Variants in ADGRA2 observed in about 807,000 individuals in gnomAD.
ADGRA2 encodes the protein adhesion G protein-coupled receptor A2.
A neutral mutation model predicts 98.7 loss-of-function variants in ADGRA2; 61 were observed. The ratio of observed to expected loss-of-function variants is 0.62; its 90% confidence interval spans 0.50 to 0.76. The LOEUF (loss-of-function observed/expected upper bound fraction) is 0.76. ADGRA2 is among the 30% of genes least tolerant of loss of function. ADGRA2 has a pLI of 0.00. For synonymous variants in ADGRA2, 858 were observed against 831.5 expected (o/e 1.03, Z -0.55); for missense variants, 1,712 against 1,860.0 (o/e 0.92, Z 1.46).
chr8:37,811,429 C>T (rs1215153062), intron 1 of ADGRA2, among the ~76,000 whole-genome samples: 1 of 148,782 alleles, frequency 6.7e-6, no homozygotes, highest in Non-Finnish European at 1.5e-5. Flanking sequence ...GCCTCAGCCT[C>T]TCAAAGTGCT....
chr8:37,838,980 G>T lies in ADGRA2; in HGVS notation c.2284G>T (p.Val762Leu). The T allele has an allele frequency of 1.3e-6, 2 of 1,577,176 alleles. No homozygotes were observed. Among genetic ancestry groups the T allele is most frequent in the Non-Finnish European group, 1.7e-6 (2 of 1,161,912 alleles). The change falls in exon 15 of 19, where the codon GTG becomes TTG. Residue 762 changes from valine to leucine, a missense_variant. Coordinates refer to ENST00000412232, the MANE Select transcript of ADGRA2 (RefSeq NM_032777.10). ...GGAGCTGAGCGCCTTTCCCAGGGAG[G>T]TGGGGGGCGCCGGGGCAGGGCTGCA... ...LMELSAFPRE[V>L]GGAGAGLHPV...
intron 13 of ADGRA2, among the ~76,000 whole-genome samples, chr8:37,837,525 C>A (rs1805653646): frequency 6.6e-6 from 1 of 152,254 alleles, no homozygotes; most frequent in South Asian, 2.1e-4. Context: ...CATTTTCCAC[C>A]ATCATCCGCA....
chr8:37,835,647 C>T lies in ADGRA2; in HGVS notation c.1927C>T (p.Leu643=). 6.2e-7 allele frequency: 1 copy of T among 1,613,660 alleles called. No homozygotes were observed. The highest frequency in any genetic ancestry group is 1.7e-5 in the Admixed American group (1 of 60,026). ...TCCCCCGGTGCCCCCAGACTGCACC[C>T]TGCAACTGCTCGTCTTCCGAAATGG... ...LAPPVPPDCT[L]QLLVFRNGRL... Residue 643 remains leucine, a synonymous_variant, in exon 13 of 19, where the codon CTG becomes TTG. Transcript: ENST00000412232.
chr8:37,836,719 G>A (rs6982156), intron 13 of ADGRA2, among the ~76,000 whole-genome samples: 100,900 of 151,648 alleles, frequency 0.67, 34,369 homozygotes, highest in East Asian at 0.9. Context: ...TTGCACGTCA[G>A]AGAGCCCCTT....
chr8:37,815,809 G>A (rs1345867133), intron 2 of ADGRA2, among the ~76,000 whole-genome samples: 2 of 152,130 alleles, frequency 1.3e-5, no homozygotes, highest in Non-Finnish European at 2.9e-5. Context: ...CTGCTCCGTC[G>A]GTACAATCCA....
In ADGRA2 at chr8:37,814,508, G is replaced by A. The variant is rs1037493222; in HGVS notation, c.267-388G>A. ...AGCCATTCTCCCCACCACTCTCTTC[G>A]GGATATTGGGTGAAGGGCTTGAGCA... On this transcript the variant is annotated intron_variant, in intron 1 of 18. Transcript: ENST00000412232. This position sits in a 1 kb window ranked among gnomAD's most constrained non-coding sequence, Gnocchi z 4.3. 1.8e-4 allele frequency among the ~76,000 whole-genome samples: 27 copies of A among 152,200 alleles called. No homozygotes were observed. The highest frequency in any genetic ancestry group is 6.0e-4 in the African/African-American group (25 of 41,446).
chr8:37,833,963 C>G lies in ADGRA2; in HGVS notation c.1447-4C>G, dbSNP rs1805534049. 2 of 1,611,034 alleles carry G rather than the reference C, an allele frequency of 1.2e-6. No individual in the cohort carries two copies. Among genetic ancestry groups the G allele is most frequent in the Non-Finnish European group, 1.7e-6 (2 of 1,178,078 alleles). Reference sequence around the variant, plus strand: ...TGCCCTCAGCAACTTCCCTGTCCCCCCAGCTGGTAGAGGTGATGGTGGACA... The same window carrying G: ...TGCCCTCAGCAACTTCCCTGTCCCCGCAGCTGGTAGAGGTGATGGTGGACA... On this transcript the variant is annotated splice_polypyrimidine_tract_variant and splice_region_variant and intron_variant, in intron 10 of 18. Coordinates refer to ENST00000412232, the MANE Select transcript of ADGRA2 (RefSeq NM_032777.10).
rs751667752 is a variant in ADGRA2, at chr8:37,797,893, GA to G, written c.266+361del. On this transcript the variant is annotated intron_variant, in intron 1 of 18. Coordinates refer to ENST00000412232, the MANE Select transcript of ADGRA2 (RefSeq NM_032777.10). The surrounding 1 kb of genome is among the most constrained non-coding windows in gnomAD (Gnocchi z 5.3). ...GGGACCTGAGAAGGGTGAGAGCGGG[GA>G]ATGCTCAGGAAAGATCGACGCTCGT... 1.2e-4 allele frequency among the ~76,000 whole-genome samples: 18 copies of G among 152,214 alleles called. No individual in the cohort carries two copies. Among genetic ancestry groups the G allele is most frequent in the Non-Finnish European group, 2.1e-4 (14 of 68,046 alleles).
Position 37,829,329 on chromosome 8 carries a change from G to A in ADGRA2, c.479G>A (p.Arg160Gln), listed in dbSNP as rs145560238. 1.1e-5 allele frequency: 18 copies of A among 1,611,926 alleles called. No homozygotes were observed. Among genetic ancestry groups the A allele is most frequent in the Middle Eastern group, 1.6e-4 (1 of 6,082 alleles). The change falls in exon 4 of 19, where the codon CGA (arginine) becomes CAA (glutamine). Residue 160 changes from arginine (R) to glutamine (Q), a missense_variant. Physicochemically the swap from Arg to Gln is conservative, Grantham distance 43. Coordinates refer to ENST00000412232, the MANE Select transcript of ADGRA2 (RefSeq NM_032777.10). Reference protein sequence around the residue: ...ETFQGLPRLLRLNISGNIFSS... With the variant: ...ETFQGLPRLLQLNISGNIFSS... ...TTCCAGGGCCTCCCCAGGCTTCTCC[G>A]ACTGTAAGTGATGGGGTGAGAAGTG...
In ADGRA2 at chr8:37,835,306, C is replaced by T. The variant is rs754709982; in HGVS notation, c.1741C>T (p.Pro581Ser). 2.5e-6 allele frequency: 4 copies of T among 1,613,684 alleles called. No homozygotes were observed. In the South Asian group the frequency reaches 3.3e-5, roughly 13 times the overall value. Residue 581 changes from proline (P) to serine (S), a missense_variant, in exon 12 of 19, where the codon CCA (proline) becomes TCA (serine). By Grantham distance (74) the Pro-to-Ser change is moderately conservative. Transcript: ENST00000412232. ...TRPGSPGQNP[P>S]PEPEPPADQQ... is the part of the protein sequence containing the mutation. ...GCCAGGAAGCCCTGGCCAGAACCCC[C>T]CACCTGAGCCCGAGCCCCCAGCTGA...
chr8:37,799,124 C>A lies in ADGRA2; in HGVS notation c.266+1590C>A, dbSNP rs184215060. ...GGGTGCGGTGGCTCAGGCCTGTAAT[C>A]CCAGCACTTTGAGAGGCAGAGGCGG... On this transcript the variant is annotated intron_variant, in intron 1 of 18. Transcript: ENST00000412232. Among the ~76,000 whole-genome samples, 217 of 152,250 alleles carry A rather than the reference C, an allele frequency of 1.4e-3. 2 individuals carry two copies. Among genetic ancestry groups the A allele is most frequent in the Non-Finnish European group, 2.2e-3 (147 of 68,008 alleles).
intron 2 of ADGRA2, among the ~76,000 whole-genome samples, chr8:37,827,007 G>T (rs1035336340): frequency 3.3e-5 from 5 of 152,114 alleles, no homozygotes; most frequent in African/African-American, 1.2e-4. Context: ...CAGACAGGGG[G>T]CCCCCACCCT....
chr8:37,813,339 G>A (rs1202758224), intron 1 of ADGRA2, among the ~76,000 whole-genome samples: 2 of 152,094 alleles, frequency 1.3e-5, no homozygotes, highest in Non-Finnish European at 2.9e-5. Flanking sequence ...CCTAAGAATG[G>A]CCAAGATTAT....
rs1424423091 is a variant in ADGRA2 at position 37,839,018 on chromosome 8, C to A, written c.2322C>A (p.Tyr774Ter). The change falls in exon 15 of 19, where the codon TAC (tyrosine) becomes TAA (stop). Residue 774 changes from tyrosine to a stop codon, truncating the protein, a stop_gained. Transcript: ENST00000412232. LOFTEE classifies it high-confidence loss of function. ...GGGCAGGGCTGCACCCCGTGGTATA[C>A]CCCTGCACGGCCTTGCTGCTGCTCT... ...GAGAGLHPVV[Y>*]PCTALLLLCL... is the part of the protein sequence containing the mutation. 6.2e-7 allele frequency: 1 copy of A among 1,604,706 alleles called. No homozygotes were observed. Among genetic ancestry groups the A allele is most frequent in the East Asian group, 2.2e-5 (1 of 44,814 alleles).
At chr8:37,798,579 G>A (rs1804411483) in intron 1 of ADGRA2, among the ~76,000 whole-genome samples, 1 of 152,238 alleles carries the variant, frequency 6.6e-6, no homozygotes, top group Admixed American at 6.5e-5. Context: ...CCCCGCGGCC[G>A]CCGCTTCCTT....
At chr8:37,807,294 C>T (rs1474370217) in intron 1 of ADGRA2, among the ~76,000 whole-genome samples, 4 of 152,190 alleles carry the variant, frequency 2.6e-5, no homozygotes, top group Admixed American at 6.5e-5. Context: ...CACGGAGGGA[C>T]GGGAAGCCAC....
chr8:37,838,631 G>A lies in ADGRA2; in HGVS notation c.2260-325G>A, dbSNP rs547378990. 2.1e-3 allele frequency among the ~76,000 whole-genome samples: 313 copies of A among 152,294 alleles called. 1 individual carries two copies. The highest frequency in any genetic ancestry group is 3.4e-3 in the Middle Eastern group (1 of 294). ...CTGGTCACCCCCTCCCTCGTGGCAC[G>A]TGGTACTGCCACTCTCCAGTCCTGC... On this transcript the variant is annotated intron_variant, in intron 14 of 18. Transcript: ENST00000412232.
At chr8:37,825,120 A>G (rs1327259539) in intron 2 of ADGRA2, among the ~76,000 whole-genome samples, 1 of 152,098 alleles carries the variant, frequency 6.6e-6, no homozygotes, top group Non-Finnish European at 1.5e-5. Flanking sequence ...TGCCTTCAAC[A>G]CCCTGCGTCT....
rs1391960760 is a variant in ADGRA2 at position 37,830,407 on chromosome 8, A to C, written c.719-303A>C. On this transcript the variant is annotated intron_variant, in intron 6 of 18. Coordinates refer to ENST00000412232, the MANE Select transcript of ADGRA2 (RefSeq NM_032777.10). This position sits in a 1 kb window ranked among gnomAD's most constrained non-coding sequence, Gnocchi z 4.8. ...CCCTTTCCCTCGGTGTCCCGGGGTCAGTCCTCCATCAGCTTTTCTAAGCCC... is the reference window on the plus strand; with the variant it reads ...CCCTTTCCCTCGGTGTCCCGGGGTCCGTCCTCCATCAGCTTTTCTAAGCCC... Among the ~76,000 whole-genome samples, 1 of 152,166 alleles carries C rather than the reference A, an allele frequency of 6.6e-6. No individual in the cohort carries two copies. Among genetic ancestry groups the C allele is most frequent in the African/African-American group, 2.4e-5 (1 of 41,434 alleles).
Sources: gnomAD v4.1 joint callset for allele counts (sites outside exome capture counted in the v4.1 genomes callset) on GRCh38, gnomAD v4.1.1 for gene constraint, Gnocchi (gnomAD v3.1) non-coding constraint, MANE v1.5 for transcripts, NCBI Gene and HGNC (gene_info 2026-07-23, HGNC 2026-07-21) for gene names.